The following SEMA3D variants were observed in gnomAD, a reference collection of about 807,000 sequenced individuals.
SEMA3D encodes semaphorin 3D.
SEMA3D carries 84 observed loss-of-function variants against 100.1 expected under a neutral mutation model. The observed-to-expected ratio is 0.84, with a 90% CI of 0.70 to 1.01. SEMA3D has a LOEUF of 1.01. Ranked by LOEUF, SEMA3D falls within the 50% of genes least tolerant of loss-of-function variation. SEMA3D has a pLI of 0.00. For synonymous variants in SEMA3D, 312 were observed against 320.7 expected (o/e 0.97, Z 0.29); for missense variants, 875 against 934.1 (o/e 0.94, Z 0.82).
intron 9 of SEMA3D, among the ~76,000 whole-genome samples, chr7:85,043,634 C>T (rs1356207796): frequency 6.6e-6 from 1 of 152,038 alleles, no homozygotes; most frequent in Non-Finnish European, 1.5e-5. Context: ...CCATAATTCC[C>T]ACATGTTGTG....
intron 1 of SEMA3D, among the ~76,000 whole-genome samples, chr7:85,154,430 T>C (rs1790522761): frequency 2.0e-5 from 3 of 152,120 alleles, no homozygotes. Flanking sequence ...AATCATACTC[T>C]TGGTATCCCA....
the SEMA3D span, among the ~76,000 whole-genome samples, chr7:85,246,540 C>G: frequency 1.3e-5 from 2 of 151,504 alleles, no homozygotes; most frequent in African/African-American, 2.4e-5. Context: ...GCTTAATTGT[C>G]AATATTAGAG....
rs150489674 is a variant in SEMA3D, at chr7:85,151,827, C to T, written c.-41+1781G>A. ...CTATTTTAAAATTCCAAATTTTAGACTGTCTGTAAAAAAAAGTTTTTTGAC... is the reference window on the plus strand; with the variant it reads ...CTATTTTAAAATTCCAAATTTTAGATTGTCTGTAAAAAAAAGTTTTTTGAC... On this transcript the variant is annotated intron_variant, in intron 2 of 18. Coordinates refer to ENST00000284136, the MANE Select transcript of SEMA3D (RefSeq NM_001384900.1). 494 of 694,294 alleles carry T rather than the reference C, an allele frequency of 7.1e-4. 2 individuals carry two copies. The African/African-American group carries it at 8.2e-3, about 12-fold the overall frequency. The allele number at this position is 694,294 out of a possible 1,614,324, so 43.0% of individuals were successfully genotyped here. A position where few individuals can be genotyped will look rare whatever the true frequency, so the allele number is the denominator to read the frequency against.
intron 2 of SEMA3D, among the ~76,000 whole-genome samples, chr7:85,133,498 G>T (rs9784905): frequency 1.2e-3 from 179 of 152,014 alleles, no homozygotes; most frequent in African/African-American, 4.1e-3. Context: ...TAAAACTAGC[G>T]CAACGTTCTG....
chr7:85,088,719 T>C (rs1788294488), intron 4 of SEMA3D, among the ~76,000 whole-genome samples: 1 of 152,156 alleles, frequency 6.6e-6, no homozygotes, highest in South Asian at 2.1e-4. Flanking sequence ...GAAGTTTAAT[T>C]CTCCATTTTT....
At chr7:85,197,308 G>A in the SEMA3D span, among the ~76,000 whole-genome samples, 1 of 152,074 alleles carries the variant, frequency 6.6e-6, no homozygotes, top group Non-Finnish European at 1.5e-5. Flanking sequence ...TTGCCTCTAA[G>A]GGCAGCCACT....
chr7:85,122,023 TG>T (rs1789432965), intron 2 of SEMA3D, 92 bp from the exon 3 acceptor site: 2 of 622,100 alleles, frequency 3.2e-6, no homozygotes, highest in African/African-American at 1.9e-5. Flanking sequence ...CACTCTTAAG[TG>T]GGAGTTGAAC....
In SEMA3D at chr7:84,999,300, A is replaced by ATATTGTCTTATTCAGAT; in HGVS notation, c.*123_*139dup. ...TTTTGCCCTTTCTTATATTCATCAC[A>ATATTGTCTTATTCAGAT]TATTGTCTTATTCAGATTATTGTCT... On this transcript the variant is annotated 3_prime_UTR_variant, in exon 19 of 19. Coordinates refer to ENST00000284136, the MANE Select transcript of SEMA3D (RefSeq NM_001384900.1). 1 of 697,476 alleles carries ATATTGTCTTATTCAGAT rather than the reference A, an allele frequency of 1.4e-6. No individual in the cohort carries two copies. Among genetic ancestry groups the ATATTGTCTTATTCAGAT allele is most frequent in the Non-Finnish European group, 2.3e-6 (1 of 427,052 alleles). 43.2% of individuals were successfully genotyped at this position (697,476 alleles called of 1,614,324 possible). A position where few individuals can be genotyped will look rare whatever the true frequency, so the allele number is the denominator to read the frequency against.
chr7:85,071,492 C>A (rs1412465241), intron 6 of SEMA3D, among the ~76,000 whole-genome samples: 1 of 152,162 alleles, frequency 6.6e-6, no homozygotes, highest in Admixed American at 6.5e-5. Context: ...AATTATCCTG[C>A]AAATATGTGT....
chr7:85,183,067 C>T (rs1403267908), intron 1 of SEMA3D, among the ~76,000 whole-genome samples: 1 of 152,150 alleles, frequency 6.6e-6, no homozygotes, highest in African/African-American at 2.4e-5. Flanking sequence ...AACCCGAAGA[C>T]ATAATATTCA....
At chr7:85,013,158 A>G (rs1323453527) in intron 16 of SEMA3D, among the ~76,000 whole-genome samples, 1 of 151,766 alleles carries the variant, frequency 6.6e-6, no homozygotes, top group East Asian at 2.0e-4. Context: ...TAGGTTTTAT[A>G]TAATTAAAAT....
chr7:85,111,353 G>A (rs1481466841), intron 3 of SEMA3D, among the ~76,000 whole-genome samples: 1 of 151,958 alleles, frequency 6.6e-6, no homozygotes, highest in Non-Finnish European at 1.5e-5. Context: ...AATAAAATAT[G>A]TCCACTTGAT....
chr7:85,026,122 AT>A (rs1250489082), intron 12 of SEMA3D, among the ~76,000 whole-genome samples: 1 of 151,990 alleles, frequency 6.6e-6, no homozygotes, highest in Admixed American at 6.6e-5. Context: ...TGATAGTGAT[AT>A]TTTGTGATAC....
intron 1 of SEMA3D, among the ~76,000 whole-genome samples, chr7:85,169,731 A>T (rs549461145): frequency 6.6e-6 from 1 of 151,742 alleles, no homozygotes; most frequent in South Asian, 2.1e-4. Flanking sequence ...GCTACATACA[A>T]CTCAGGATTT....
the SEMA3D span, among the ~76,000 whole-genome samples, chr7:85,205,077 A>G: frequency 6.6e-6 from 1 of 152,034 alleles, no homozygotes; most frequent in Non-Finnish European, 1.5e-5. Context: ...CTAGTCATTC[A>G]TATGTCTTCT....
intron 8 of SEMA3D, among the ~76,000 whole-genome samples, chr7:85,061,771 G>T (rs1239628234): frequency 6.6e-6 from 1 of 152,120 alleles, no homozygotes; most frequent in African/African-American, 2.4e-5. Flanking sequence ...GTGGACTGGG[G>T]AACTCCTGAA....
intron 4 of SEMA3D, among the ~76,000 whole-genome samples, chr7:85,088,435 T>C (rs1050014741): frequency 6.6e-6 from 1 of 152,138 alleles, no homozygotes; most frequent in African/African-American, 2.4e-5. Context: ...AACTTATTCA[T>C]AAAAACCTAA....
chr7:85,211,860 T>C, the SEMA3D span, among the ~76,000 whole-genome samples: 1 of 152,266 alleles, frequency 6.6e-6, no homozygotes, highest in African/African-American at 2.4e-5. Context: ...TTATCTTTTC[T>C]CTAGCTTATT....
the SEMA3D span, among the ~76,000 whole-genome samples, chr7:85,215,845 C>G: frequency 6.6e-6 from 1 of 151,984 alleles, no homozygotes; most frequent in Non-Finnish European, 1.5e-5. Flanking sequence ...ATAGCCTTTT[C>G]AGATAATTAT....
Sources: allele counts gnomAD v4.1 joint callset (sites outside exome capture counted in the v4.1 genomes callset), GRCh38; gene constraint gnomAD v4.1.1; transcripts MANE v1.5; gene names NCBI Gene and HGNC (gene_info 2026-07-23, HGNC 2026-07-21).